ASCL3: variants seen among roughly 807,000 people sequenced by gnomAD.
ASCL3 encodes achaete-scute family bHLH transcription factor 3.
ASCL3 carries 1 observed loss-of-function variant against 2.3 expected under a neutral mutation model. The observed-to-expected ratio is 0.44, with a 90% CI of 0.16 to 2.10. The LOEUF is 2.10. Among genes scored for constraint, ASCL3 ranks in the 30% most tolerant of loss-of-function variants. ASCL3 has a pLI of 0.28. For missense variants in ASCL3, 243 were observed against 229.0 expected (o/e 1.06, Z -0.40); for synonymous variants, 98 against 88.5 (o/e 1.11, Z -0.60).
At chr11:8,938,470 C>G (rs936262863) in intron 1 of ASCL3, among the ~76,000 whole-genome samples, 1 of 151,866 alleles carries the variant, frequency 6.6e-6, no homozygotes, top group Non-Finnish European at 1.5e-5. Flanking sequence ...AGGATGGTCT[C>G]GATCTCTTGA....
intron 1 of ASCL3, among the ~76,000 whole-genome samples, chr11:8,940,702 T>G (rs1448220575): frequency 6.6e-6 from 1 of 152,140 alleles, no homozygotes; most frequent in Non-Finnish European, 1.5e-5. Context: ...TCCACATCTG[T>G]GTATTCAACC....
intron 1 of ASCL3, among the ~76,000 whole-genome samples, chr11:8,940,244 TG>T (rs1377461109): frequency 7.0e-6 from 1 of 142,400 alleles, no homozygotes; most frequent in Non-Finnish European, 1.6e-5. Flanking sequence ...ATTACAGGCA[TG>T]AGCCACTTCA....
At chr11:8,939,968 T>A (rs975069285) in intron 1 of ASCL3, among the ~76,000 whole-genome samples, 3 of 152,070 alleles carry the variant, frequency 2.0e-5, no homozygotes, top group Non-Finnish European at 4.4e-5. Context: ...TTTTAAATTT[T>A]TTTATTTATT....
intron 1 of ASCL3, among the ~76,000 whole-genome samples, chr11:8,938,542 C>T (rs1040430901): frequency 1.3e-5 from 2 of 152,004 alleles, no homozygotes; most frequent in Admixed American, 6.6e-5. Context: ...AGCCACCACG[C>T]CCGGCCGGAG....
intron 1 of ASCL3, among the ~76,000 whole-genome samples, chr11:8,940,893 G>A (rs975300852): frequency 4.6e-5 from 7 of 152,120 alleles, no homozygotes; most frequent in Non-Finnish European, 7.4e-5. Flanking sequence ...GTTTGAGAGG[G>A]TGTGTGTAGG....
At chr11:8,938,396 G>A (rs922724410) in intron 1 of ASCL3, among the ~76,000 whole-genome samples, 6 of 151,846 alleles carry the variant, frequency 4.0e-5, no homozygotes, top group African/African-American at 7.3e-5. Context: ...GATTACAGGC[G>A]TCTGCCACTG....
In ASCL3 at chr11:8,939,821, C is replaced by A. The variant is rs143187949; in HGVS notation, c.-12-1648G>T. ...CCAAAAATACAAATAAAAAAGGAAT[C>A]ATTTGCTCTTAAATGTTCACTATGG... On this transcript the variant is annotated intron_variant, in intron 1 of 1. Coordinates refer to ENST00000531618, the MANE Select transcript of ASCL3 (RefSeq NM_020646.3). 3.0e-3 allele frequency among the ~76,000 whole-genome samples: 464 copies of A among 152,184 alleles called. 4 individuals are homozygous for A. Among genetic ancestry groups the A allele is most frequent in the Non-Finnish European group, 5.3e-3 (363 of 68,002 alleles).
rs577112947 is a variant in ASCL3 at position 8,942,771 on chromosome 11, C to T, written c.-13+215G>A. ...GAGCAGGGGCCAGAACCTAGTGTCCCGACTTCCAAATCAAAACTCCTTCTG... is the reference window on the plus strand; with the variant it reads ...GAGCAGGGGCCAGAACCTAGTGTCCTGACTTCCAAATCAAAACTCCTTCTG... On this transcript the variant is annotated intron_variant, in intron 1 of 1. Transcript: ENST00000531618. Among the ~76,000 whole-genome samples the T allele has an allele frequency of 2.5e-4, 38 of 152,230 alleles. 1 individual carries two copies. Among genetic ancestry groups the T allele is most frequent in the Non-Finnish European group, 5.1e-4 (35 of 68,002 alleles).
chr11:8,942,247 C>T lies in ASCL3; in HGVS notation c.-13+739G>A, dbSNP rs1222070333. 2.0e-5 allele frequency among the ~76,000 whole-genome samples: 3 copies of T among 152,136 alleles called. No individual in the cohort carries two copies. The East Asian group carries it at 5.8e-4, about 29-fold the overall frequency. On this transcript the variant is annotated intron_variant, in intron 1 of 1. Coordinates refer to ENST00000531618, the MANE Select transcript of ASCL3 (RefSeq NM_020646.3). ...CTGTTGAGCATTTCCAATAAGTTCA[C>T]CAATCAATGTACTAGCATTTAAATA...
At chr11:8,939,648 G>A (rs1436219570) in intron 1 of ASCL3, among the ~76,000 whole-genome samples, 1 of 152,084 alleles carries the variant, frequency 6.6e-6, no homozygotes, top group Non-Finnish European at 1.5e-5. Flanking sequence ...AATGGTGATC[G>A]TGAAGACATG....
intron 1 of ASCL3, among the ~76,000 whole-genome samples, chr11:8,939,490 T>G (rs571488831): frequency 1.3e-5 from 2 of 152,138 alleles, no homozygotes; most frequent in Non-Finnish European, 2.9e-5. Context: ...CCACCCGCCT[T>G]GGCCTCCCAA....
At position 8,937,896 on chromosome 11, in the gene ASCL3, G is replaced by T; in HGVS notation, c.266C>A (p.Ser89Tyr). 4 of 1,614,098 alleles carry T rather than the reference G, an allele frequency of 2.5e-6. No homozygotes were observed. The highest frequency in any genetic ancestry group is 3.4e-6 in the Non-Finnish European group (4 of 1,179,998). Residue 89 changes from serine (S) to tyrosine (Y), a missense_variant, in exon 2 of 2, where the codon TCC becomes TAC. Transcript: ENST00000531618. The part of the protein sequence containing the change: ...PYPNYRGCEY[S>Y]YGPAFTRKRN... Reference sequence around the variant, plus strand: ...TTTCCGGGTGAAGGCTGGCCCGTAGGAGTACTCGCACCCTCTGTAATTTGG... The same window carrying T: ...TTTCCGGGTGAAGGCTGGCCCGTAGTAGTACTCGCACCCTCTGTAATTTGG...
chr11:8,940,517 A>G (rs1187602583), intron 1 of ASCL3, among the ~76,000 whole-genome samples: 1 of 152,054 alleles, frequency 6.6e-6, no homozygotes, highest in East Asian at 1.9e-4. Flanking sequence ...CTCAGTCATA[A>G]CACCCTCAGG....
intron 1 of ASCL3, among the ~76,000 whole-genome samples, chr11:8,940,714 A>G (rs181028315): frequency 1.4e-4 from 21 of 152,266 alleles, no homozygotes; most frequent in African/African-American, 5.1e-4. Context: ...TATTCAACCA[A>G]CTATGGGTGG....
intron 1 of ASCL3, among the ~76,000 whole-genome samples, chr11:8,942,363 C>T (rs1272136845): frequency 2.0e-5 from 3 of 151,952 alleles, no homozygotes; most frequent in African/African-American, 7.2e-5. Flanking sequence ...AGATAGAAAG[C>T]CTAGTGGGGT....
chr11:8,938,323 C>T (rs1005731821), intron 1 of ASCL3, 150 bp from the exon 2 acceptor site: 3 of 628,824 alleles, frequency 4.8e-6, no homozygotes, highest in East Asian at 3.0e-5. Context: ...GATCTCGGCT[C>T]ACTGCAACTT....
chr11:8,937,743 T>C lies in ASCL3; in HGVS notation c.419A>G (p.Lys140Arg), dbSNP rs1273191866. 6.2e-7 allele frequency: 1 copy of C among 1,613,966 alleles called. No individual in the cohort carries two copies. The highest frequency in any genetic ancestry group is 1.3e-5 in the African/African-American group (1 of 74,928). Reference protein sequence around the residue: ...SKVETLRAAIKYINYLQSLLY... With the variant: ...SKVETLRAAIRYINYLQSLLY... ...AAGAGACTGCAGGTAGTTAATGTAC[T>C]TGATCGCAGCTCTGAGGGTTTCCAC... The change falls in exon 2 of 2, where the codon AAG (lysine) becomes AGG (arginine). Residue 140 changes from lysine to arginine, a missense_variant. By Grantham distance (26) the Lys-to-Arg change is conservative. Transcript: ENST00000531618.
chr11:8,938,246 G>GTTTTA, intron 1 of ASCL3, 73 bp from the exon 2 acceptor site: 2 of 1,297,866 alleles, frequency 1.5e-6, no homozygotes, highest in Non-Finnish European at 2.1e-6. Flanking sequence ...GGAGATCAAT[G>GTTTTA]TTTTATTTTA....
rs1481906107 is a variant in ASCL3, at chr11:8,937,779, C to G, written c.383G>C (p.Arg128Pro). ...HHLPEEYLEKRLSKVETLRAA... is the reference protein window; with the variant it reads ...HHLPEEYLEKPLSKVETLRAA... ...TCTGAGGGTTTCCACTTTGCTGAGT[C>G]GCTTCTCCAAATACTCCTCTGGCAG... is the stretch of plus-strand genomic sequence containing the variant. Residue 128 changes from arginine (R) to proline (P), a missense_variant, in exon 2 of 2, where the codon CGA becomes CCA. Transcript: ENST00000531618. The G allele has an allele frequency of 6.2e-7, 1 of 1,614,030 alleles. No homozygotes were observed. The highest frequency in any genetic ancestry group is 1.7e-5 in the Admixed American group (1 of 60,016).
Sources: gnomAD v4.1 joint callset for allele counts (sites outside exome capture counted in the v4.1 genomes callset) on GRCh38, gnomAD v4.1.1 for gene constraint, MANE v1.5 for transcripts, NCBI Gene and HGNC (gene_info 2026-07-23, HGNC 2026-07-21) for gene names.